SCD5: variants seen among roughly 807,000 people sequenced by gnomAD.
SCD5 encodes the protein acyl-CoA-desaturase 4.
Under a neutral mutation model 30.4 loss-of-function variants are expected in SCD5, and 20 were observed. That is an observed-to-expected ratio of 0.66 (90% confidence interval 0.46 to 0.96). The LOEUF (loss-of-function observed/expected upper bound fraction) is 0.96. Ranked by LOEUF, SCD5 falls within the 40% of genes least tolerant of loss-of-function variation. SCD5 has a pLI of 0.00. For synonymous variants in SCD5, 173 were observed against 176.4 expected (o/e 0.98, Z 0.16); for missense variants, 381 against 443.3 (o/e 0.86, Z 1.26).
chr4:82,689,150 A>G (rs1220928195), intron 2 of SCD5, among the ~76,000 whole-genome samples: 2 of 152,246 alleles, frequency 1.3e-5, no homozygotes, highest in Non-Finnish European at 2.9e-5. Flanking sequence ...ACTAAAAGGA[A>G]TCAGGAGTGT....
chr4:82,676,788 G>C (rs1197839218), intron 3 of SCD5, among the ~76,000 whole-genome samples: 2 of 152,250 alleles, frequency 1.3e-5, no homozygotes, highest in Non-Finnish European at 2.9e-5. Flanking sequence ...CTAGTTGCCA[G>C]AGCCTAAAGG....
intron 1 of SCD5, among the ~76,000 whole-genome samples, chr4:82,718,072 CTTT>C (rs113602410): frequency 0.47 from 66,730 of 140,840 alleles, 17,045 homozygotes; most frequent in African/African-American, 0.67. Context: ...TCATTATCAC[CTTT>C]TTTTTTTAAA....
intron 3 of SCD5, among the ~76,000 whole-genome samples, chr4:82,637,843 T>C (rs1037776789): frequency 1.3e-5 from 2 of 152,200 alleles, no homozygotes; most frequent in Non-Finnish European, 2.9e-5. Context: ...ATGCCTCTTT[T>C]TTTTTCTTTC....
At position 82,730,876 on chromosome 4, in the gene SCD5, G is replaced by A. The variant is rs1219681260; in HGVS notation, c.233-25463C>T. Among the ~76,000 whole-genome samples, 6 of 152,178 alleles carry A rather than the reference G, an allele frequency of 3.9e-5. No individual in the cohort carries two copies. The East Asian group carries it at 5.8e-4, about 15-fold the overall frequency. On this transcript the variant is annotated intron_variant, in intron 1 of 4. Transcript: ENST00000319540. Reference sequence around the variant, plus strand: ...TGGGATTACAGGCGTGAGCCACAGCGCCCAGCTGTATTTTTTCGTCTTCTA... The same window carrying A: ...TGGGATTACAGGCGTGAGCCACAGCACCCAGCTGTATTTTTTCGTCTTCTA...
At chr4:82,663,611 G>C (rs935413742) in intron 3 of SCD5, among the ~76,000 whole-genome samples, 4 of 152,170 alleles carry the variant, frequency 2.6e-5, no homozygotes, top group African/African-American at 7.2e-5. Context: ...TTGAGCAGCA[G>C]GATATAAATA....
At chr4:82,703,190 A>C (rs1719892992) in intron 2 of SCD5, among the ~76,000 whole-genome samples, 1 of 152,236 alleles carries the variant, frequency 6.6e-6, no homozygotes, top group Admixed American at 6.5e-5. Flanking sequence ...TGAATTTTAA[A>C]AATCCACTAC....
chr4:82,715,524 C>T (rs1357005058), intron 1 of SCD5, among the ~76,000 whole-genome samples: 1 of 151,370 alleles, frequency 6.6e-6, no homozygotes, highest in Non-Finnish European at 1.5e-5. Flanking sequence ...CCTCAATTTC[C>T]TCATTAATAA....
In SCD5 at chr4:82,663,688, A is replaced by C. The variant is rs1442345015; in HGVS notation, c.569+17019T>G. ...TAAATGTGTTTAAGCTGCTGGAGGA[A>C]TACAGACACCTTCTGGCCCTTAGGA... On this transcript the variant is annotated intron_variant, in intron 3 of 4. Coordinates refer to ENST00000319540, the MANE Select transcript of SCD5 (RefSeq NM_001037582.3). 8.5e-5 allele frequency among the ~76,000 whole-genome samples: 13 copies of C among 152,214 alleles called. 1 individual carries two copies.
chr4:82,699,662 T>G (rs1344685050), intron 2 of SCD5, among the ~76,000 whole-genome samples: 1 of 150,382 alleles, frequency 6.6e-6, no homozygotes, highest in Non-Finnish European at 1.5e-5. Context: ...AGCACTTTGT[T>G]ATTTTATTTT....
chr4:82,785,409 C>A (rs935252686), intron 1 of SCD5, among the ~76,000 whole-genome samples: 1 of 152,226 alleles, frequency 6.6e-6, no homozygotes, highest in Non-Finnish European at 1.5e-5. Flanking sequence ...ACAAGCCTTA[C>A]TAACCACCCT....
chr4:82,719,502 G>T (rs931734391), intron 1 of SCD5, among the ~76,000 whole-genome samples: 3 of 130,938 alleles, frequency 2.3e-5, no homozygotes, highest in African/African-American at 6.7e-5. Flanking sequence ...TGTAAAATAT[G>T]ATTTTCTTTT....
intron 2 of SCD5, among the ~76,000 whole-genome samples, chr4:82,696,429 A>C (rs1173130748): frequency 2.0e-5 from 3 of 152,176 alleles, no homozygotes; most frequent in Non-Finnish European, 4.4e-5. Flanking sequence ...TATCTAATAA[A>C]GGGGTGGGGA....
chr4:82,727,078 C>T (rs974842121), intron 1 of SCD5, among the ~76,000 whole-genome samples: 3 of 152,180 alleles, frequency 2.0e-5, no homozygotes, highest in Admixed American at 1.3e-4. Flanking sequence ...CCCCATCTCA[C>T]ATCTTGAGGT....
chr4:82,662,952 A>G (rs1190997757), intron 3 of SCD5, among the ~76,000 whole-genome samples: 1 of 152,152 alleles, frequency 6.6e-6, no homozygotes, highest in African/African-American at 2.4e-5. Context: ...TTAAGCAACC[A>G]TTAAACTAGA....
intron 4 of SCD5, among the ~76,000 whole-genome samples, chr4:82,636,277 C>T (rs912931951): frequency 7.6e-6 from 1 of 131,002 alleles, no homozygotes; most frequent in Non-Finnish European, 1.6e-5. Context: ...CCCATCTCTA[C>T]TAAAAAAAAA....
chr4:82,671,695 T>C (rs532898096), intron 3 of SCD5, among the ~76,000 whole-genome samples: 42 of 152,230 alleles, frequency 2.8e-4, no homozygotes, highest in African/African-American at 9.4e-4. Flanking sequence ...CTAGACAACA[T>C]GGTGAAACCC....
At chr4:82,650,112 A>C (rs1727717668) in intron 3 of SCD5, among the ~76,000 whole-genome samples, 1 of 152,122 alleles carries the variant, frequency 6.6e-6, no homozygotes, top group Non-Finnish European at 1.5e-5. Context: ...GCTCTCTATA[A>C]ACTAGGTAGT....
intron 1 of SCD5, among the ~76,000 whole-genome samples, chr4:82,760,488 C>G (rs1249708803): frequency 1.3e-5 from 2 of 152,124 alleles, no homozygotes; most frequent in Non-Finnish European, 2.9e-5. Flanking sequence ...CTTTGCCTCT[C>G]AGGTTCAAGT....
chr4:82,743,916 C>T (rs1465704733), intron 1 of SCD5, among the ~76,000 whole-genome samples: 1 of 152,032 alleles, frequency 6.6e-6, no homozygotes. Flanking sequence ...CTGCAACCCT[C>T]CCAGGTTCAA....
Sources: allele counts gnomAD v4.1 joint callset (sites outside exome capture counted in the v4.1 genomes callset), GRCh38; gene constraint gnomAD v4.1.1; transcripts MANE v1.5; gene names NCBI Gene and HGNC (gene_info 2026-07-23, HGNC 2026-07-21).